The following FOXP2 variants were observed in gnomAD, a reference collection of about 807,000 sequenced individuals.
FOXP2 encodes forkhead box P2.
Under a neutral mutation model 115.8 loss-of-function variants are expected in FOXP2, and 12 were observed. That is an observed-to-expected ratio of 0.10 (90% CI 0.07 to 0.17). FOXP2 has a LOEUF of 0.17. FOXP2 is among the 10% of genes least tolerant of loss of function. FOXP2 has a pLI of 1.00. For synonymous variants in FOXP2, 328 were observed against 297.7 expected, an observed-to-expected ratio of 1.10 and a Z score of -1.05; for missense variants, 629 against 843.5, an observed-to-expected ratio of 0.75 and a Z score of 3.15.
At chr7:114,527,509 A>C (rs1174467877) in intron 2 of FOXP2, among the ~76,000 whole-genome samples, 1 of 152,058 alleles carries the variant, frequency 6.6e-6, no homozygotes, top group Non-Finnish European at 1.5e-5. Flanking sequence ...TGTCTTTACC[A>C]ACAATCTAAT....
intron 5 of FOXP2, 59 bp downstream of exon 5, chr7:114,630,064 C>G: frequency 6.2e-7 from 1 of 1,601,042 alleles, no homozygotes; most frequent in Non-Finnish European, 8.5e-7. Flanking sequence ...GGGCTTTGAG[C>G]GGCAAGAATA....
chr7:114,411,186 C>A (rs1168421188), upstream of FOXP2, among the ~76,000 whole-genome samples: 1 of 152,048 alleles, frequency 6.6e-6, no homozygotes, highest in Non-Finnish European at 1.5e-5. Context: ...CAAAGGTATA[C>A]CATATTCTTT....
Position 114,534,664 on chromosome 7 carries a change from A to G in FOXP2, c.216A>G (p.Gly72=), listed in dbSNP as rs1460518283. The change falls in exon 3 of 17, where the codon GGA becomes GGG. Residue 72 remains glycine (G), a synonymous_variant. Coordinates refer to ENST00000350908, the MANE Select transcript of FOXP2 (RefSeq NM_014491.4). ...RQLLLQQQTS[G]LKSPKSSDKQ... ...TTCTTTTACAGCAGCAAACAAGTGG[A>G]TTGAAATCTCCTAAGAGCAGTGATA... 1 of 1,612,098 alleles carries G rather than the reference A, an allele frequency of 6.2e-7. No homozygotes were observed. Among genetic ancestry groups the G allele is most frequent in the Non-Finnish European group, 8.5e-7 (1 of 1,178,588 alleles).
intron 1 of FOXP2, among the ~76,000 whole-genome samples, chr7:114,176,155 A>T (rs1386198109): frequency 1.3e-5 from 2 of 151,678 alleles, no homozygotes; most frequent in Non-Finnish European, 2.9e-5. Flanking sequence ...ATAAACATTG[A>T]TCCACACAGG....
intron 1 of FOXP2, among the ~76,000 whole-genome samples, chr7:114,285,850 G>C (rs1447765570): frequency 6.6e-6 from 1 of 151,872 alleles, no homozygotes; most frequent in Non-Finnish European, 1.5e-5. Flanking sequence ...ATGTTAACCA[G>C]TATTAATTCC....
intron 2 of FOXP2, among the ~76,000 whole-genome samples, chr7:114,314,089 A>G (rs999536973): frequency 6.6e-6 from 1 of 152,002 alleles, no homozygotes; most frequent in Non-Finnish European, 1.5e-5. Context: ...ACATGCTATT[A>G]TGGATTAATA....
upstream of FOXP2, among the ~76,000 whole-genome samples, chr7:114,410,055 T>A (rs1014331000): frequency 1.3e-5 from 2 of 152,220 alleles, no homozygotes; most frequent in Admixed American, 6.6e-5. Context: ...CTTAAAAAAA[T>A]CCTGCCTGTT....
rs568492090 is a variant in FOXP2, at chr7:114,527,477, T to A, written c.169-7140T>A. On this transcript the variant is annotated intron_variant, in intron 2 of 16. Transcript: ENST00000350908. ...AGAAAGTATTCTGCAGTTTGGGGTC[T>A]TGACTCTTCCTCTCTCTGTGGTGTC... Among the ~76,000 whole-genome samples, 29 of 152,220 alleles carry A rather than the reference T, an allele frequency of 1.9e-4. 1 individual carries two copies. In the South Asian group the frequency reaches 6.0e-3, roughly 32 times the overall value.
intron 2 of FOXP2, among the ~76,000 whole-genome samples, chr7:114,393,035 A>C (rs1584690392): frequency 6.6e-6 from 1 of 152,292 alleles, no homozygotes; most frequent in South Asian, 2.1e-4. Context: ...TGGTGAGGAA[A>C]GCAGTATGTG....
chr7:114,191,036 G>T (rs187287899), intron 1 of FOXP2, among the ~76,000 whole-genome samples: 67 of 152,230 alleles, frequency 4.4e-4, no homozygotes, highest in Admixed American at 7.8e-4. Context: ...TTCTTGGTTT[G>T]TCCCCAGTGT....
intron 3 of FOXP2, among the ~76,000 whole-genome samples, chr7:114,627,142 CTTT>C: frequency 6.9e-6 from 1 of 144,092 alleles, no homozygotes; most frequent in South Asian, 2.2e-4. Context: ...CCCTGGATTT[CTTT>C]TTTTTTTTTC....
chr7:114,095,195 A>G (rs1324458007), intron 1 of FOXP2, among the ~76,000 whole-genome samples: 1 of 152,190 alleles, frequency 6.6e-6, no homozygotes, highest in African/African-American at 2.4e-5. Context: ...GTCTATAACT[A>G]TTGCATGATA....
At chr7:114,530,195 T>G (rs746563501) in intron 2 of FOXP2, among the ~76,000 whole-genome samples, 20 of 151,856 alleles carry the variant, frequency 1.3e-4, no homozygotes, top group Non-Finnish European at 2.4e-4. Context: ...TCTTCTGACC[T>G]CACTATCTGA....
intron 2 of FOXP2, among the ~76,000 whole-genome samples, chr7:114,503,863 G>A (rs551805508): frequency 9.9e-4 from 150 of 151,014 alleles, no homozygotes; most frequent in African/African-American, 3.4e-3. Context: ...TAATTTTAAT[G>A]TAGTTAAAAT....
intron 2 of FOXP2, among the ~76,000 whole-genome samples, chr7:114,519,686 C>T (rs1798517404): frequency 6.6e-6 from 1 of 152,088 alleles, no homozygotes; most frequent in African/African-American, 2.4e-5. Flanking sequence ...TTAAATAGGT[C>T]ATTCTGCAAT....
chr7:114,252,702 G>A (rs1463742839), intron 1 of FOXP2, among the ~76,000 whole-genome samples: 7 of 151,590 alleles, frequency 4.6e-5, no homozygotes, highest in Non-Finnish European at 5.9e-5. Flanking sequence ...TATTAGTCTC[G>A]CTAGCGTTCT....
At chr7:114,359,282 C>T (rs1281747148) in intron 2 of FOXP2, among the ~76,000 whole-genome samples, 8 of 152,210 alleles carry the variant, frequency 5.3e-5, no homozygotes, top group African/African-American at 9.6e-5. Flanking sequence ...GAACCTCCGT[C>T]TAGATTTCAG....
chr7:114,584,101 A>G (rs908826047), intron 3 of FOXP2, among the ~76,000 whole-genome samples: 1 of 152,206 alleles, frequency 6.6e-6, no homozygotes, highest in African/African-American at 2.4e-5. Context: ...AAAAAATAAA[A>G]TAATTCATTT....
At chr7:114,558,313 A>G (rs1020032660) in intron 3 of FOXP2, among the ~76,000 whole-genome samples, 2 of 152,214 alleles carry the variant, frequency 1.3e-5, no homozygotes, top group Non-Finnish European at 2.9e-5. Flanking sequence ...TGCATTCTTC[A>G]TAGTTACTTC....
Sources: allele counts gnomAD v4.1 joint callset (sites outside exome capture counted in the v4.1 genomes callset), GRCh38; gene constraint gnomAD v4.1.1; transcripts MANE v1.5; gene names NCBI Gene and HGNC (gene_info 2026-07-23, HGNC 2026-07-21).